NAALAD2: variants seen among roughly 807,000 people sequenced by gnomAD.
The protein encoded by NAALAD2 is N-acetylated-alpha-linked acidic dipeptidase 2.
Under a neutral mutation model 95.6 loss-of-function variants are expected in NAALAD2, and 89 were observed. The ratio of observed to expected loss-of-function variants is 0.93; its 90% CI spans 0.78 to 1.11. NAALAD2 has a LOEUF of 1.11. Among genes scored for constraint, NAALAD2 ranks in the 50% least tolerant of loss-of-function variants. NAALAD2 has a pLI of 0.00. For missense variants in NAALAD2, 894 were observed against 872.4 expected (o/e 1.02, Z -0.31); for synonymous variants, 264 against 294.4 (o/e 0.90, Z 1.06).
At chr11:90,158,966 A>C in intron 7 of NAALAD2, 2 of 347,474 alleles carry the variant, frequency 5.8e-6, no homozygotes, top group Non-Finnish European at 1.1e-5. Context: ...TAAGGTCAAA[A>C]ATAAGGAGAT....
chr11:90,154,594 T>C (rs1407955311), intron 6 of NAALAD2, among the ~76,000 whole-genome samples: 1 of 151,648 alleles, frequency 6.6e-6, no homozygotes, highest in Admixed American at 6.6e-5. Context: ...ATTTAGTTTC[T>C]TGTAATATCT....
In NAALAD2 at chr11:90,181,491, G is replaced by A. The variant is rs1001284131; in HGVS notation, c.1859-129G>A. ...ATTTTCTACTAATTTTCATGGATCTGCAAGAAGACTCAGTAGAAAAATGGC... is the reference window on the plus strand; with the variant it reads ...ATTTTCTACTAATTTTCATGGATCTACAAGAAGACTCAGTAGAAAAATGGC... On this transcript the variant is annotated intron_variant, in intron 16 of 18. Transcript: ENST00000534061. 3 of 649,052 alleles carry A rather than the reference G, an allele frequency of 4.6e-6. No individual in the cohort carries two copies. The Admixed American group carries it at 9.0e-5, about 19-fold the overall frequency. The allele number at this position is 649,052 out of a possible 1,614,324, so 40.2% of individuals were successfully genotyped here. A position where few individuals can be genotyped will look rare whatever the true frequency, so the allele number is the denominator to read the frequency against.
At chr11:90,181,790 C>G in intron 17 of NAALAD2, 89 bp downstream of exon 17, 1 of 797,972 alleles carries the variant, frequency 1.3e-6, no homozygotes, top group Non-Finnish European at 2.0e-6. Flanking sequence ...TAGCATTAAC[C>G]TCTAAATCAC....
intron 11 of NAALAD2, among the ~76,000 whole-genome samples, chr11:90,167,401 G>A (rs1287243507): frequency 6.6e-6 from 1 of 152,232 alleles, no homozygotes; most frequent in Non-Finnish European, 1.5e-5. Context: ...CTTCCGACCT[G>A]CAGCCCACCA....
At chr11:90,164,878 T>A (rs1355703692) in intron 11 of NAALAD2, among the ~76,000 whole-genome samples, 1 of 152,184 alleles carries the variant, frequency 6.6e-6, no homozygotes, top group Non-Finnish European at 1.5e-5. Flanking sequence ...TCTATGAAAC[T>A]AATATTGTGG....
intron 8 of NAALAD2, among the ~76,000 whole-genome samples, chr11:90,161,045 A>G (rs983940289): frequency 2.0e-5 from 3 of 152,186 alleles, no homozygotes; most frequent in African/African-American, 7.2e-5. Context: ...ATAAAACAAA[A>G]CATCAGTAGA....
intron 18 of NAALAD2, among the ~76,000 whole-genome samples, 195 bp from the exon 19 acceptor site, chr11:90,191,363 T>A (rs946390738): frequency 1.7e-4 from 25 of 150,940 alleles, no homozygotes; most frequent in Non-Finnish European, 3.7e-4. Flanking sequence ...TCCTGAGATA[T>A]GTCTTAGCGA....
intron 2 of NAALAD2, among the ~76,000 whole-genome samples, chr11:90,136,701 A>T (rs1472716637): frequency 6.6e-6 from 1 of 152,166 alleles, no homozygotes; most frequent in East Asian, 1.9e-4. Context: ...GGTTGATTAT[A>T]GTTTTTGACT....
upstream of NAALAD2, among the ~76,000 whole-genome samples, chr11:90,132,516 T>C (rs1951368286): frequency 1.3e-5 from 2 of 152,110 alleles, no homozygotes; most frequent in South Asian, 4.1e-4. Flanking sequence ...GTCTAAAAAT[T>C]GACAAATTAC....
chr11:90,170,206 A>T, intron 13 of NAALAD2, 70 bp downstream of exon 13: 1 of 935,120 alleles, frequency 1.1e-6, no homozygotes, highest in Admixed American at 1.8e-5. Flanking sequence ...GTTCCCCCCT[A>T]AATTAATGGT....
intron 17 of NAALAD2, among the ~76,000 whole-genome samples, chr11:90,182,034 A>G (rs1342864825): frequency 6.6e-6 from 1 of 152,050 alleles, no homozygotes; most frequent in African/African-American, 2.4e-5. Flanking sequence ...GGTACCTGTC[A>G]TTAGGAGTCT....
intron 18 of NAALAD2, among the ~76,000 whole-genome samples, chr11:90,185,530 G>A (rs1418678498): frequency 6.6e-6 from 1 of 152,076 alleles, no homozygotes; most frequent in Non-Finnish European, 1.5e-5. Context: ...AAAGTAGCTG[G>A]TGTAGTGGTG....
At chr11:90,180,748 C>G (rs1388267619) in intron 16 of NAALAD2, among the ~76,000 whole-genome samples, 1 of 151,918 alleles carries the variant, frequency 6.6e-6, no homozygotes, top group Non-Finnish European at 1.5e-5. Context: ...ATAGTCACCT[C>G]TCTATATTGG....
rs139287840 is a variant in NAALAD2 at position 90,178,063 on chromosome 11, T to C, written c.1804T>C (p.Tyr602His). 1.7e-4 allele frequency: 276 copies of C among 1,613,664 alleles called. 4 individuals carry two copies. The African/African-American group carries it at 3.4e-3, about 20-fold the overall frequency. ...TTTGAAAAACTATGCAGCAAGTATCTATAATCTATCTAAGAAACATGATCA... is the reference window on the plus strand; with the variant it reads ...TTTGAAAAACTATGCAGCAAGTATCCATAATCTATCTAAGAAACATGATCA... ...EALKNYAASI[Y>H]NLSKKHDQQL... Residue 602 changes from tyrosine (Y) to histidine (H), a missense_variant, in exon 16 of 19, where the codon TAT becomes CAT. By Grantham distance (83) the Tyr-to-His change is moderately conservative. Transcript: ENST00000534061.
rs554093444 is a variant in NAALAD2 at position 90,152,236 on chromosome 11, C to T, written c.610-62C>T. On this transcript the variant is annotated intron_variant, in intron 5 of 18. Transcript: ENST00000534061. Reference sequence around the variant, plus strand: ...CTTCCATTATTAAATTAATGTCTTTCTTATATGAATAAGCCAACCATTTGC... The same window carrying T: ...CTTCCATTATTAAATTAATGTCTTTTTTATATGAATAAGCCAACCATTTGC... The T allele has an allele frequency of 7.1e-6, 10 of 1,415,658 alleles. No individual in the cohort carries two copies. The African/African-American group carries it at 1.3e-4, about 18-fold the overall frequency. 87.7% of individuals were successfully genotyped at this position (1,415,658 alleles called of 1,614,324 possible).
chr11:90,134,726 A>C lies in NAALAD2; in HGVS notation c.-33A>C. 6.2e-7 allele frequency: 1 copy of C among 1,608,300 alleles called. No individual in the cohort carries two copies. Among genetic ancestry groups the C allele is most frequent in the Non-Finnish European group, 8.5e-7 (1 of 1,175,884 alleles). On this transcript the variant is annotated 5_prime_UTR_variant, in exon 1 of 19. An upstream open reading frame in the 5' UTR loses its in-frame stop. Transcript: ENST00000534061. Reference sequence around the variant, plus strand: ...CTGCAGCCCCGAAGCTCGCGAATGTAGCAGGCGCCCCAAGCTCGGTCCTCA... The same window carrying C: ...CTGCAGCCCCGAAGCTCGCGAATGTCGCAGGCGCCCCAAGCTCGGTCCTCA...
chr11:90,154,912 ATGTATATATTATATACGTATAC>A (rs1565521516), intron 6 of NAALAD2, among the ~76,000 whole-genome samples: 9,991 of 97,332 alleles, frequency 0.1, 1,170 homozygotes, highest in South Asian at 0.14. Context: ...ACGTATACAT[ATGTATATATTATATACGTATAC>A]ATATGTATAT....
intron 16 of NAALAD2, among the ~76,000 whole-genome samples, chr11:90,180,080 T>G (rs1159202529): frequency 6.6e-6 from 1 of 151,962 alleles, no homozygotes; most frequent in Non-Finnish European, 1.5e-5. Context: ...AATGAATGAA[T>G]GAATGAATGA....
intron 7 of NAALAD2, chr11:90,158,493 T>C (rs1952189071): frequency 3.1e-6 from 1 of 327,814 alleles, no homozygotes; most frequent in Non-Finnish European, 5.5e-6. Context: ...CCTAAGATAA[T>C]TCTGATTTGA....
Sources: gnomAD v4.1 joint callset for allele counts (sites outside exome capture counted in the v4.1 genomes callset) on GRCh38, gnomAD v4.1.1 for gene constraint, MANE v1.5 for transcripts, NCBI Gene and HGNC (gene_info 2026-07-23, HGNC 2026-07-21) for gene names.